Variants in TLR10 observed in about 807,000 individuals in gnomAD.
The protein encoded by TLR10 is toll-like receptor 10.
For missense variants in TLR10, 929 were observed against 932.9 expected (o/e 1.00, Z 0.05); for synonymous variants, 288 against 338.8 (o/e 0.85, Z 1.65).
At position 38,773,838 on chromosome 4, in the gene TLR10, C is replaced by T. The variant is rs760733546; in HGVS notation, c.1753G>A (p.Val585Ile). 15 of 1,587,754 alleles carry T rather than the reference C, an allele frequency of 9.4e-6. 1 individual carries two copies. In the South Asian group the frequency reaches 1.8e-4, roughly 19 times the overall value. The change falls in exon 4 of 4, where the codon GTT becomes ATT. Residue 585 changes from valine (V) to isoleucine (I), a missense_variant. Transcript: ENST00000308973. ...NTALLIVTIV[V>I]IMLVLGLAVA... ...GCCAACCCCAGAACTAGCATAATAACCACAATGGTGACAATCAACAGAGCT... is the reference window on the plus strand; with the variant it reads ...GCCAACCCCAGAACTAGCATAATAATCACAATGGTGACAATCAACAGAGCT...
chr4:38,773,650 C>T lies in TLR10; in HGVS notation c.1941G>A (p.Trp647Ter). 6.2e-7 allele frequency: 1 copy of T among 1,606,678 alleles called. No individual in the cohort carries two copies. The highest frequency in any genetic ancestry group is 1.7e-5 in the Admixed American group (1 of 58,976). ...GATTGGGGATCAATTCATTCTTCAC[C>T]CACAGAGAATCATGTTCACTGTATG... ...FISYSEHDSL[W>*]VKNELIPNLE... Residue 647 changes from tryptophan to a stop codon, truncating the protein, a stop_gained, in exon 4 of 4, where the codon TGG becomes TGA. Coordinates refer to ENST00000308973, the MANE Select transcript of TLR10 (RefSeq NM_030956.4). LOFTEE classifies it low-confidence loss of function (END_TRUNC).
intron 1 of TLR10, among the ~76,000 whole-genome samples, chr4:38,782,602 C>T (rs928985367): frequency 6.6e-6 from 1 of 152,162 alleles, no homozygotes; most frequent in African/African-American, 2.4e-5. Context: ...GGTTAACATA[C>T]GCTGTGGGGA....
chr4:38,780,727 A>T (rs1725355377), intron 1 of TLR10, among the ~76,000 whole-genome samples: 1 of 152,232 alleles, frequency 6.6e-6, no homozygotes, highest in Admixed American at 6.5e-5. Flanking sequence ...AATATTTTTA[A>T]AAATGAAAAT....
chr4:38,774,321 C>A lies in TLR10; in HGVS notation c.1270G>T (p.Val424Phe). The change falls in exon 4 of 4, where the codon GTC becomes TTC. Residue 424 changes from valine (V) to phenylalanine (F), a missense_variant. Coordinates refer to ENST00000308973, the MANE Select transcript of TLR10 (RefSeq NM_030956.4). ...DENCSWPETV[V>F]NMNLSYNKLS... is the part of the protein sequence containing the mutation. ...TTATTGTATGACAGATTCATATTGA[C>A]CACAGTTTCTGGCCATGAGCAATTT... The A allele has an allele frequency of 6.2e-7, 1 of 1,610,876 alleles. No individual in the cohort carries two copies. Among genetic ancestry groups the A allele is most frequent in the East Asian group, 2.2e-5 (1 of 44,860 alleles).
chr4:38,779,210 T>C (rs1725249271), intron 1 of TLR10, among the ~76,000 whole-genome samples: 1 of 152,226 alleles, frequency 6.6e-6, no homozygotes, highest in Non-Finnish European at 1.5e-5. Flanking sequence ...AGAATTCCTT[T>C]GTAAAAATAT....
In TLR10 at chr4:38,773,212, C is replaced by G; in HGVS notation, c.2379G>C (p.Glu793Asp). The change falls in exon 4 of 4, where the codon GAG becomes GAC. Residue 793 changes from glutamate to aspartate, a missense_variant. By Grantham distance (45) the Glu-to-Asp change is conservative (BLOSUM62 2). Coordinates refer to ENST00000308973, the MANE Select transcript of TLR10 (RefSeq NM_030956.4). Reference protein sequence around the residue: ...REMYELQTFTELNEESRGSTI... With the variant: ...REMYELQTFTDLNEESRGSTI... ...TAGAACCTCGAGACTCTTCATTTAACTCTGTGAATGTCTGCAGTTCATACA... is the reference window on the plus strand; with the variant it reads ...TAGAACCTCGAGACTCTTCATTTAAGTCTGTGAATGTCTGCAGTTCATACA... 6.3e-7 allele frequency: 1 copy of G among 1,575,870 alleles called. No homozygotes were observed.
intron 1 of TLR10, among the ~76,000 whole-genome samples, chr4:38,778,091 C>T (rs1340442746): frequency 6.6e-6 from 1 of 152,136 alleles, no homozygotes; most frequent in Non-Finnish European, 1.5e-5. Context: ...AAATATGGCA[C>T]ATATACACCA....
rs1315449376 is a variant in TLR10, at chr4:38,775,166, G to T, written c.425C>A (p.Ser142Ter). The T allele has an allele frequency of 6.2e-7, 1 of 1,613,834 alleles. No individual in the cohort carries two copies. The highest frequency in any genetic ancestry group is 8.5e-7 in the Non-Finnish European group (1 of 1,179,968). The change falls in exon 4 of 4, where the codon TCA becomes TAA. Residue 142 changes from serine (S) to a stop codon, truncating the protein, a stop_gained. Transcript: ENST00000308973. LOFTEE classifies it low-confidence loss of function (END_TRUNC). ...MPICEEAGNMSHLEILGLSGA... is the reference protein window; with the variant it reads ...MPICEEAGNM ...ACTCAAACCTAGGATTTCCAGGTGT[G>T]ACATGTTGCCAGCTTCCTCACAGAT...
intron 1 of TLR10, among the ~76,000 whole-genome samples, chr4:38,779,487 T>C (rs1725264800): frequency 6.6e-6 from 1 of 152,218 alleles, no homozygotes; most frequent in Non-Finnish European, 1.5e-5. Flanking sequence ...TAACACAGGA[T>C]AATTATCAGA....
intron 1 of TLR10, among the ~76,000 whole-genome samples, chr4:38,780,677 G>T (rs535890418): frequency 6.6e-6 from 1 of 152,082 alleles, no homozygotes; most frequent in South Asian, 2.1e-4. Context: ...ATGTTAAGGG[G>T]GTCCCAAGGA....
At chr4:38,777,188 CT>C (rs1165653470) in intron 1 of TLR10, among the ~76,000 whole-genome samples, 2 of 152,096 alleles carry the variant, frequency 1.3e-5, no homozygotes, top group Non-Finnish European at 1.5e-5. Context: ...GAGTGATTTT[CT>C]TTTTTATAGA....
In TLR10 at chr4:38,774,732, G is replaced by T; in HGVS notation, c.859C>A (p.Leu287Ile). ...GAGTAGTCAAATGAATTGTGGTCAA[G>T]ATAAGCCTTACCACCAAAAGTCACA... ...RNVTFGGKAYLDHNSFDYSNT... is the reference protein window; with the variant it reads ...RNVTFGGKAYIDHNSFDYSNT... Residue 287 changes from leucine to isoleucine, a missense_variant, in exon 4 of 4, where the codon CTT (leucine) becomes ATT (isoleucine). By Grantham distance (5) the Leu-to-Ile change is conservative (BLOSUM62 2). Coordinates refer to ENST00000308973, the MANE Select transcript of TLR10 (RefSeq NM_030956.4). The T allele has an allele frequency of 6.3e-7, 1 of 1,596,396 alleles. No homozygotes were observed. The highest frequency in any genetic ancestry group is 8.5e-7 in the Non-Finnish European group (1 of 1,174,046).
At position 38,774,901 on chromosome 4, in the gene TLR10, ACTT is replaced by A; in HGVS notation, c.687_689del (p.Ser230del). 6.2e-7 allele frequency: 1 copy of A among 1,610,534 alleles called. No individual in the cohort carries two copies. Among genetic ancestry groups the A allele is most frequent in the Non-Finnish European group, 8.5e-7 (1 of 1,178,630 alleles). On this transcript the variant is annotated inframe_deletion, in exon 4 of 4. Coordinates refer to ENST00000308973, the MANE Select transcript of TLR10 (RefSeq NM_030956.4). ...AACTAAGATTTCGTTGCATTTCATA[ACTT>A]ACAAATTGGCTTTTGCCATCTATAT...
chr4:38,779,776 TC>T (rs1383676326), intron 1 of TLR10, among the ~76,000 whole-genome samples: 1 of 152,220 alleles, frequency 6.6e-6, no homozygotes, highest in African/African-American at 2.4e-5. Flanking sequence ...AAAATAATTT[TC>T]CATGAATTCA....
Position 38,775,104 on chromosome 4 carries a change from C to A in TLR10, c.487G>T (p.Ala163Ser), listed in dbSNP as rs11466649. The change falls in exon 4 of 4, where the codon GCT (alanine) becomes TCT (serine). Residue 163 changes from alanine (A) to serine (S), a missense_variant. By Grantham distance (99) the Ala-to-Ser change is moderately conservative (BLOSUM62 1). Transcript: ENST00000308973. ...AAGACAGTATTTAGATGCAGATGAG[C>A]AATTTTCTGGAAATCTGATTTTTGT... The part of the protein sequence containing the change: ...KIQKSDFQKI[A>S]HLHLNTVFLG... The A allele has an allele frequency of 0.043, 69,864 of 1,612,884 alleles. 3,074 individuals are homozygous for A. The highest frequency in any genetic ancestry group is 0.16 in the South Asian group (14,346 of 90,998).
At chr4:38,778,465 T>C (rs1450615446) in intron 1 of TLR10, among the ~76,000 whole-genome samples, 1 of 142,326 alleles carries the variant, frequency 7.0e-6, no homozygotes, top group African/African-American at 2.6e-5. Context: ...AACAAACAAA[T>C]AAAAAGATTC....
rs1724741986 is a variant in TLR10 at position 38,773,183 on chromosome 4, A to T, written c.2408T>A (p.Ile803Asn). The T allele has an allele frequency of 5.2e-6, 8 of 1,543,656 alleles. No homozygotes were observed. The highest frequency in any genetic ancestry group is 7.0e-6 in the Non-Finnish European group (8 of 1,150,734). ...TAGACAATCTGTTCTCATCAGAGAG[A>T]TTGTAGAACCTCGAGACTCTTCATT... ...ELNEESRGST[I>N]SLMRTDCL The change falls in exon 4 of 4, where the codon ATC becomes AAC. Residue 803 changes from isoleucine (I) to asparagine (N), a missense_variant. Ile to Asn is a moderately radical substitution (Grantham distance 149, BLOSUM62 -3). Coordinates refer to ENST00000308973, the MANE Select transcript of TLR10 (RefSeq NM_030956.4).
chr4:38,777,132 C>T (rs1725103187), intron 1 of TLR10, among the ~76,000 whole-genome samples: 1 of 152,030 alleles, frequency 6.6e-6, no homozygotes, highest in African/African-American at 2.4e-5. Flanking sequence ...GTGATATTGT[C>T]TTGAAGGAAA....
intron 1 of TLR10, among the ~76,000 whole-genome samples, chr4:38,781,774 C>T (rs1725428067): frequency 6.6e-6 from 1 of 152,132 alleles, no homozygotes; most frequent in African/African-American, 2.4e-5. Context: ...GATTAAGAAC[C>T]TATTGAATGT....
Sources: gnomAD v4.1 joint callset for allele counts (sites outside exome capture counted in the v4.1 genomes callset) on GRCh38, gnomAD v4.1.1 for gene constraint, MANE v1.5 for transcripts, NCBI Gene and HGNC (gene_info 2026-07-23, HGNC 2026-07-21) for gene names.